Variants in TLN2 observed in about 807,000 individuals in gnomAD.
TLN2 encodes talin-2.
Under a neutral mutation model 294.7 loss-of-function variants are expected in TLN2, and 118 were observed. That is an observed-to-expected ratio of 0.40 (90% confidence interval 0.34 to 0.47). TLN2 has a LOEUF of 0.47. TLN2 is among the 20% of genes least tolerant of loss of function. The probability of loss-of-function intolerance (pLI) is 0.84; values close to 1 mark genes in which losing one functional copy is unlikely to be tolerated. For missense variants in TLN2, 3,083 were observed against 3,282.2 expected (o/e 0.94, Z 1.48); for synonymous variants, 1,431 against 1,304.5 (o/e 1.10, Z -2.09).
chr15:62,693,989 GAC>G (rs2058131911), intron 13 of TLN2, among the ~76,000 whole-genome samples: 2 of 93,586 alleles, frequency 2.1e-5, no homozygotes, highest in African/African-American at 1.0e-4. Flanking sequence ...TTTTTTTTGA[GAC>G]AGAGTCTCCC....
In TLN2 at chr15:62,758,940, C is replaced by G. The variant is rs184420014; in HGVS notation, c.4639-2741C>G. 3.4e-4 allele frequency among the ~76,000 whole-genome samples: 31 copies of G among 90,730 alleles called. No homozygotes were observed. In the Admixed American group the frequency reaches 4.3e-3, roughly 13 times the overall value. 59.5% of individuals were successfully genotyped at this position (90,730 alleles called of 152,430 possible). On this transcript the variant is annotated intron_variant, in intron 37 of 58. Coordinates refer to ENST00000636159, the MANE Select transcript of TLN2 (RefSeq NM_015059.3). ...TGTCTTTAGGGTCCCCTCTAACCCC[C>G]AAAGTCCATGAATCTGACTTTGTGC... is the stretch of plus-strand genomic sequence containing the variant.
At position 62,694,345 on chromosome 15, in the gene TLN2, A is replaced by G; in HGVS notation, c.1245A>G (p.Glu415=). ...AAAGTAAAGATCGATTTGGACTAGA[A>G]GGTGATGAGGAGTCAACCATGTTAG... ...KKQSKDRFGL[E]GDEESTMLEE... is the part of the protein sequence containing the mutation. Residue 415 remains glutamate, a synonymous_variant, in exon 14 of 59, where the codon GAA becomes GAG. Coordinates refer to ENST00000636159, the MANE Select transcript of TLN2 (RefSeq NM_015059.3). The G allele has an allele frequency of 6.2e-7, 1 of 1,614,148 alleles. No homozygotes were observed. Among genetic ancestry groups the G allele is most frequent in the Non-Finnish European group, 8.5e-7 (1 of 1,180,008 alleles).
At chr15:62,708,369 A>G in intron 20 of TLN2, 133 bp from the exon 21 acceptor site, 5 of 855,504 alleles carry the variant, frequency 5.8e-6, no homozygotes, top group Non-Finnish European at 9.3e-6. Context: ...GGTAAGTAAG[A>G]AACCGAGCAG....
At chr15:62,548,151 T>C (rs951477777) in intron 1 of TLN2, among the ~76,000 whole-genome samples, 3 of 152,190 alleles carry the variant, frequency 2.0e-5, no homozygotes, top group African/African-American at 7.2e-5. Context: ...CCTGGATGTC[T>C]GCCCTCGGAG....
intron 1 of TLN2, among the ~76,000 whole-genome samples, chr15:62,572,106 C>T (rs2043921870): frequency 6.6e-6 from 1 of 152,202 alleles, no homozygotes; most frequent in South Asian, 2.1e-4. Context: ...GCTCTTCTTT[C>T]CAGGTTCTCT....
chr15:62,502,107 A>C (rs1413278119), intron 1 of TLN2, among the ~76,000 whole-genome samples: 2 of 152,176 alleles, frequency 1.3e-5, no homozygotes, highest in African/African-American at 4.8e-5. Flanking sequence ...TGTGTAATGC[A>C]TGGATGATTG....
chr15:62,534,105 C>T (rs1391150567), intron 1 of TLN2, among the ~76,000 whole-genome samples: 2 of 152,032 alleles, frequency 1.3e-5, no homozygotes, highest in Non-Finnish European at 2.9e-5. Flanking sequence ...AACAGACTCC[C>T]AGGTCTAGTG....
Position 62,551,513 on chromosome 15 carries a change from T to TACACACAC in TLN2, c.-237-38146_-237-38139dup, listed in dbSNP as rs56986714. Reference sequence around the variant, plus strand: ...AGTGAAAGCCAATCTCTACTAAAAATACACACACACACACACACACACACA... The same window carrying TACACACAC: ...AGTGAAAGCCAATCTCTACTAAAAATACACACACACACACACACACACACACACACACA... On this transcript the variant is annotated intron_variant, in intron 1 of 58. Transcript: ENST00000636159. Among the ~76,000 whole-genome samples, 382 of 147,082 alleles carry TACACACAC rather than the reference T, an allele frequency of 2.6e-3. 3 individuals carry two copies. Among genetic ancestry groups the TACACACAC allele is most frequent in the African/African-American group, 7.2e-3 (288 of 39,786 alleles).
chr15:62,427,831 G>A (rs1372800568), intron 1 of TLN2, among the ~76,000 whole-genome samples: 1 of 152,292 alleles, frequency 6.6e-6, no homozygotes, highest in East Asian at 1.9e-4. Flanking sequence ...CTTGGCTGTT[G>A]CCCTCCAAAC....
chr15:62,435,969 A>T (rs1566969541), intron 1 of TLN2, among the ~76,000 whole-genome samples: 1 of 152,126 alleles, frequency 6.6e-6, no homozygotes, highest in Non-Finnish European at 1.5e-5. Context: ...ATTAATCTTT[A>T]TGAATTTTGG....
intron 57 of TLN2, among the ~76,000 whole-genome samples, chr15:62,836,501 C>T (rs1185134446): frequency 6.6e-6 from 1 of 152,228 alleles, no homozygotes; most frequent in Non-Finnish European, 1.5e-5. Context: ...GCAGGCACCA[C>T]ATCTTCATCT....
At chr15:62,395,864 G>A (rs546514798) in intron 1 of TLN2, among the ~76,000 whole-genome samples, 2 of 151,994 alleles carry the variant, frequency 1.3e-5, no homozygotes, top group East Asian at 3.9e-4. Context: ...TTTTGAGATG[G>A]TGTCTCAGTC....
intron 33 of TLN2, among the ~76,000 whole-genome samples, chr15:62,749,545 C>A (rs2061804449): frequency 1.3e-5 from 2 of 152,082 alleles, no homozygotes; most frequent in Admixed American, 1.3e-4. Flanking sequence ...GAAATGAGCT[C>A]ATTCCTTACA....
intron 3 of TLN2, among the ~76,000 whole-genome samples, chr15:62,635,115 A>T (rs960762739): frequency 1.3e-5 from 2 of 152,170 alleles, no homozygotes; most frequent in Non-Finnish European, 2.9e-5. Context: ...TCAGTTGTTA[A>T]TGCATATTCA....
At chr15:62,707,498 G>T (rs753951893) in intron 20 of TLN2, among the ~76,000 whole-genome samples, 7 of 152,198 alleles carry the variant, frequency 4.6e-5, no homozygotes, top group Admixed American at 2.0e-4. Flanking sequence ...TATGCAAATT[G>T]CTGTGTCTCC....
At chr15:62,720,024 C>G (rs1416661817) in intron 25 of TLN2, 144 bp downstream of exon 25, 9 of 550,094 alleles carry the variant, frequency 1.6e-5, no homozygotes, top group Non-Finnish European at 2.9e-6. Context: ...CTTTACCTTT[C>G]CAGTTTCAGG....
intron 16 of TLN2, among the ~76,000 whole-genome samples, chr15:62,700,298 G>A (rs1485050334): frequency 6.6e-6 from 1 of 152,308 alleles, no homozygotes; most frequent in East Asian, 1.9e-4. Context: ...TTTTTGGGAT[G>A]TTTTGGGAAG....
chr15:62,402,350 C>T (rs1360943973), intron 1 of TLN2, among the ~76,000 whole-genome samples: 4 of 152,162 alleles, frequency 2.6e-5, no homozygotes, highest in Non-Finnish European at 4.4e-5. Context: ...CTGACCGTCC[C>T]CTTTTCTCTT....
At chr15:62,453,694 G>C (rs1468674258) in intron 1 of TLN2, 1 of 152,180 alleles carries the variant, frequency 6.6e-6, no homozygotes, top group East Asian at 1.9e-4. Context: ...TCAGCCCCCT[G>C]TGTGAGAATT....
Sources: allele counts gnomAD v4.1 joint callset (sites outside exome capture counted in the v4.1 genomes callset), GRCh38; gene constraint gnomAD v4.1.1; transcripts MANE v1.5; gene names NCBI Gene and HGNC (gene_info 2026-07-23, HGNC 2026-07-21).